MCPH1: variants seen among roughly 807,000 people sequenced by gnomAD.
MCPH1 encodes microcephalin 1.
A neutral mutation model predicts 84.5 loss-of-function variants in MCPH1; 104 were observed. The ratio of observed to expected loss-of-function variants is 1.23; its 90% CI spans 1.05 to 1.45. The LOEUF (loss-of-function observed/expected upper bound fraction) is 1.45. MCPH1 is among the 40% of genes most tolerant of loss of function. MCPH1 has a pLI of 0.00. For missense variants in MCPH1, 1,498 were observed against 1,005.7 expected, an observed-to-expected ratio of 1.49 and a Z score of -6.62; for synonymous variants, 514 against 366.8, an observed-to-expected ratio of 1.40 and a Z score of -4.58.
At chr8:6,539,030 TG>T (rs1554441400) in intron 12 of MCPH1, among the ~76,000 whole-genome samples, 1 of 6,536 alleles carries the variant, frequency 1.5e-4, no homozygotes, top group Non-Finnish European at 4.6e-4. Flanking sequence ...GAGTTGGGCT[TG>T]TGTGTGTGTG....
chr8:6,407,107 C>A, intron 1 of MCPH1: 1 of 294,762 alleles, frequency 3.4e-6, no homozygotes, highest in South Asian at 2.9e-5. Flanking sequence ...CTGCCTTAGT[C>A]CCTGGATCTG....
intron 12 of MCPH1, among the ~76,000 whole-genome samples, chr8:6,565,636 G>C (rs1050602984): frequency 6.6e-6 from 1 of 152,094 alleles, no homozygotes; most frequent in African/African-American, 2.4e-5. Context: ...ATAGAAAGAG[G>C]GCACACCACA....
intron 11 of MCPH1, among the ~76,000 whole-genome samples, chr8:6,488,966 G>A (rs532152728): frequency 1.5e-4 from 23 of 152,180 alleles, no homozygotes; most frequent in Middle Eastern, 3.4e-3. Context: ...CGTCAGGTGT[G>A]TGGGAATGGA....
intron 11 of MCPH1, among the ~76,000 whole-genome samples, chr8:6,486,878 A>T (rs537109148): frequency 2.0e-5 from 3 of 152,344 alleles, no homozygotes; most frequent in African/African-American, 7.2e-5. Context: ...GAACCTTTAA[A>T]TACTCTTTAT....
At chr8:6,620,668 T>C (rs769602935) in intron 12 of MCPH1, among the ~76,000 whole-genome samples, 1 of 152,184 alleles carries the variant, frequency 6.6e-6, no homozygotes, top group Non-Finnish European at 1.5e-5. Flanking sequence ...GGATGGCACA[T>C]AACCCATAGC....
chr8:6,562,996 C>G, intron 12 of MCPH1: 1 of 1,515,970 alleles, frequency 6.6e-7, no homozygotes, highest in Non-Finnish European at 8.9e-7. Flanking sequence ...GTCCAGAGTC[C>G]CGAGCTGCTG....
At chr8:6,568,536 G>T (rs1033340997) in intron 12 of MCPH1, among the ~76,000 whole-genome samples, 11 of 152,146 alleles carry the variant, frequency 7.2e-5, no homozygotes, top group South Asian at 2.1e-4. Context: ...GATGGAAATG[G>T]GGCCACCAGC....
intron 12 of MCPH1, among the ~76,000 whole-genome samples, chr8:6,556,796 C>G (rs1296132815): frequency 6.6e-6 from 1 of 151,988 alleles, no homozygotes; most frequent in African/African-American, 2.4e-5. Context: ...ACTCTGTTGA[C>G]CAGGCTGGTC....
intron 13 of MCPH1, chr8:6,627,407 C>T (rs140334425): frequency 4.1e-6 from 2 of 490,258 alleles, no homozygotes; most frequent in African/African-American, 2.1e-5. Context: ...ACCCAGGTTT[C>T]CACACCCAGG....
At chr8:6,479,165 G>A (rs977781776) in intron 10 of MCPH1, among the ~76,000 whole-genome samples, 2 of 152,128 alleles carry the variant, frequency 1.3e-5, no homozygotes, top group African/African-American at 4.8e-5. Flanking sequence ...TACTTGGGAG[G>A]ATAAGGCAGG....
At chr8:6,509,341 C>A (rs1814464236) in intron 12 of MCPH1, among the ~76,000 whole-genome samples, 1 of 152,208 alleles carries the variant, frequency 6.6e-6, no homozygotes, top group Non-Finnish European at 1.5e-5. Flanking sequence ...TATTTTCCTG[C>A]TGCTTTCAGA....
chr8:6,490,329 C>G (rs918316606), intron 11 of MCPH1, among the ~76,000 whole-genome samples: 2 of 152,188 alleles, frequency 1.3e-5, no homozygotes, highest in East Asian at 3.8e-4. Context: ...TTTTATCTGT[C>G]ACTTCAAAAA....
chr8:6,598,608 G>T (rs562235407), intron 12 of MCPH1, among the ~76,000 whole-genome samples: 2 of 152,218 alleles, frequency 1.3e-5, no homozygotes, highest in African/African-American at 4.8e-5. Flanking sequence ...CTTTCCAAAA[G>T]GTAAACACCA....
chr8:6,502,942 A>C, intron 12 of MCPH1: 1 of 775,776 alleles, frequency 1.3e-6, no homozygotes, highest in Non-Finnish European at 2.0e-6. Context: ...TTAAGTGATA[A>C]AGTTTACAGG....
At chr8:6,597,483 C>A in intron 12 of MCPH1, among the ~76,000 whole-genome samples, 1 of 152,034 alleles carries the variant, frequency 6.6e-6, no homozygotes. Context: ...TTGGAAATAC[C>A]GAAGACTGTG....
rs777084063 is a variant in MCPH1, at chr8:6,439,059, A to G, written c.543A>G (p.Gln181=). ...ACAGCGCAATGGAGAAGAGATTACA[A>G]GAGATGAAGGAGAAAAGGGAAAATC... ...RHHSAMEKRL[Q]EMKEKRENLS... The change falls in exon 6 of 14, where the codon CAA becomes CAG. Residue 181 remains glutamine (Q), a synonymous_variant. Coordinates refer to ENST00000344683, the MANE Select transcript of MCPH1 (RefSeq NM_024596.5). 2.5e-6 allele frequency: 4 copies of G among 1,613,628 alleles called. No individual in the cohort carries two copies. The Admixed American group carries it at 6.7e-5, about 27-fold the overall frequency.
chr8:6,629,250 G>A (rs1487065863), intron 13 of MCPH1, among the ~76,000 whole-genome samples: 1 of 152,212 alleles, frequency 6.6e-6, no homozygotes, highest in Non-Finnish European at 1.5e-5. Context: ...ATCACTTGAG[G>A]TCAGGAGTTT....
At chr8:6,554,419 G>C (rs2959764) in intron 12 of MCPH1, among the ~76,000 whole-genome samples, 19,517 of 151,924 alleles carry the variant, frequency 0.13, 3,458 homozygotes, top group African/African-American at 0.4. Context: ...GGAAATGATT[G>C]CTTCTCTATG....
chr8:6,604,886 GA>G (rs1415334265), intron 12 of MCPH1, among the ~76,000 whole-genome samples: 3 of 152,230 alleles, frequency 2.0e-5, no homozygotes, highest in African/African-American at 4.8e-5. Context: ...TAGCTGGGGG[GA>G]AATTGAGTCT....
Sources: allele counts gnomAD v4.1 joint callset (sites outside exome capture counted in the v4.1 genomes callset), GRCh38; gene constraint gnomAD v4.1.1; transcripts MANE v1.5; gene names NCBI Gene and HGNC (gene_info 2026-07-23, HGNC 2026-07-21).